The following PP2D1 variants were observed in gnomAD, a reference collection of about 807,000 sequenced individuals.
PP2D1 encodes the protein protein phosphatase 2C-like domain-containing protein 1.
PP2D1 carries 25 observed loss-of-function variants against 30.2 expected under a neutral mutation model. That is an observed-to-expected ratio of 0.83 (90% CI 0.60 to 1.16). The LOEUF (loss-of-function observed/expected upper bound fraction) is 1.16, where lower values mean the gene tolerates loss of function less well. PP2D1 is among the 50% of genes most tolerant of loss of function. PP2D1 has a pLI of 0.00. For missense variants in PP2D1, 760 were observed against 742.4 expected, an observed-to-expected ratio of 1.02 and a Z score of -0.28; for synonymous variants, 260 against 258.9, an observed-to-expected ratio of 1.00 and a Z score of -0.04.
chr3:20,000,767 T>G (rs894553212), intron 2 of PP2D1, among the ~76,000 whole-genome samples: 1 of 152,234 alleles, frequency 6.6e-6, no homozygotes, highest in African/African-American at 2.4e-5. Flanking sequence ...TCAACAACTG[T>G]GTTGCTACCC....
chr3:19,993,995 G>A (rs1401302255), intron 2 of PP2D1, among the ~76,000 whole-genome samples: 1 of 151,556 alleles, frequency 6.6e-6, no homozygotes, highest in Non-Finnish European at 1.5e-5. Flanking sequence ...GCCTCCCAAA[G>A]TTCTGGGATT....
intron 2 of PP2D1, among the ~76,000 whole-genome samples, chr3:19,993,648 G>C (rs992736076): frequency 6.6e-6 from 1 of 152,142 alleles, no homozygotes; most frequent in Admixed American, 6.5e-5. Context: ...CAGGAGAATC[G>C]CTTGGACCCT....
At chr3:19,984,069 G>A (rs1575080742), downstream of PP2D1, 2 of 442,026 alleles carry the variant, frequency 4.5e-6, no homozygotes, top group East Asian at 9.5e-5. Context: ...TCATTGGAAG[G>A]TTAGGGGGAA....
chr3:20,007,004 C>T (rs550544257), intron 1 of PP2D1, among the ~76,000 whole-genome samples: 41 of 94,822 alleles, frequency 4.3e-4, no homozygotes, highest in African/African-American at 1.5e-3. Flanking sequence ...CACACACACA[C>T]GTATACACAC....
chr3:20,003,778 A>T (rs1012132486), intron 1 of PP2D1, among the ~76,000 whole-genome samples: 7 of 152,032 alleles, frequency 4.6e-5, no homozygotes, highest in Non-Finnish European at 1.0e-4. Flanking sequence ...ATAATTTAAA[A>T]TTTTAGTTAA....
At chr3:20,007,008 TAC>T (rs71751343) in intron 1 of PP2D1, among the ~76,000 whole-genome samples, 69,826 of 144,474 alleles carry the variant, frequency 0.48, 16,529 homozygotes, top group Non-Finnish European at 0.52. Context: ...CACACACGTA[TAC>T]ACACACACAC....
intron 2 of PP2D1, among the ~76,000 whole-genome samples, chr3:19,993,809 A>G (rs7633789): frequency 2.6e-5 from 4 of 152,142 alleles, no homozygotes; most frequent in African/African-American, 9.6e-5. Context: ...GTGCGATCTC[A>G]GCTCACTGCA....
chr3:20,006,596 T>G (rs1384250188), intron 1 of PP2D1, among the ~76,000 whole-genome samples: 1 of 152,048 alleles, frequency 6.6e-6, no homozygotes, highest in Non-Finnish European at 1.5e-5. Flanking sequence ...ATAGTAGCTG[T>G]AACTACAGGC....
intron 2 of PP2D1, 89 bp downstream of exon 2, chr3:20,000,941 G>A: frequency 1.6e-6 from 1 of 638,966 alleles, no homozygotes; most frequent in Non-Finnish European, 2.3e-6. Context: ...CTAAATAATA[G>A]ACAATAAAAA....
At chr3:19,993,488 C>A (rs572840950) in intron 2 of PP2D1, among the ~76,000 whole-genome samples, 3 of 152,264 alleles carry the variant, frequency 2.0e-5, no homozygotes, top group South Asian at 4.1e-4. Flanking sequence ...ATAATCCCAG[C>A]ACTTTGGGAG....
intron 2 of PP2D1, among the ~76,000 whole-genome samples, chr3:19,996,455 A>G (rs1697181261): frequency 3.3e-5 from 5 of 152,160 alleles, no homozygotes; most frequent in Admixed American, 2.6e-4. Flanking sequence ...AAGTCCCCCA[A>G]ATGAAAAGCC....
intron 2 of PP2D1, among the ~76,000 whole-genome samples, chr3:19,991,580 A>C: frequency 6.6e-6 from 1 of 152,266 alleles, no homozygotes; most frequent in Admixed American, 6.5e-5. Flanking sequence ...TGGTGTAGAA[A>C]AACAGTATGG....
At chr3:20,011,635 C>G (rs1697388329) in intron 1 of PP2D1, among the ~76,000 whole-genome samples, 1 of 151,856 alleles carries the variant, frequency 6.6e-6, no homozygotes, top group Non-Finnish European at 1.5e-5. Flanking sequence ...CCTGTCTCTA[C>G]TAAAAATACA....
At position 19,986,125 on chromosome 3, in the gene PP2D1, T is replaced by C. The variant is rs1697030492; in HGVS notation, c.1148A>G (p.His383Arg). ...NGKGFCLTKE[H>R]TTRNTNERRR... The stretch of plus-strand genomic sequence containing the variant: ...TCTTTCATTTGTGTTTCGTGTAGTA[T>C]GTTCTTTGGTTAGGCAAAAACCTTT... The change falls in exon 3 of 3, where the codon CAT (histidine) becomes CGT (arginine). Residue 383 changes from histidine (H) to arginine (R), a missense_variant. Physicochemically the swap from His to Arg is conservative, Grantham distance 29. This residue lies in a region of PP2D1 where 369 missense variants were observed against 316.2 expected (regional missense o/e 1.17). Coordinates refer to ENST00000389050, the MANE Select transcript of PP2D1 (RefSeq NM_001252657.2). 3 of 1,533,516 alleles carry C rather than the reference T, an allele frequency of 2.0e-6. No individual in the cohort carries two copies. Among genetic ancestry groups the C allele is most frequent in the African/African-American group, 1.4e-5 (1 of 73,052 alleles). The allele number at this position is 1,533,516 out of a possible 1,614,324, so 95.0% of individuals were successfully genotyped here. A position where few individuals can be genotyped will look rare whatever the true frequency, so the allele number is the denominator to read the frequency against.
Position 20,012,159 on chromosome 3 carries a change from T to A in PP2D1, c.-87A>T. On this transcript the variant is annotated 5_prime_UTR_variant, in exon 1 of 3. Transcript: ENST00000389050. Reference sequence around the variant, plus strand: ...CCAACTTGAGTAGTGATGGTGATGGTGGAGGTAGAGGTGAATGTGATGGCT... The same window carrying A: ...CCAACTTGAGTAGTGATGGTGATGGAGGAGGTAGAGGTGAATGTGATGGCT... 1 of 1,127,082 alleles carries A rather than the reference T, an allele frequency of 8.9e-7. No individual in the cohort carries two copies. The highest frequency in any genetic ancestry group is 1.3e-6 in the Non-Finnish European group (1 of 785,554). 69.8% of individuals were successfully genotyped at this position (1,127,082 alleles called of 1,614,324 possible).
At chr3:19,989,737 ATACGAATTG>A (rs1385243538) in intron 2 of PP2D1, among the ~76,000 whole-genome samples, 1 of 152,252 alleles carries the variant, frequency 6.6e-6, no homozygotes, top group African/African-American at 2.4e-5. Flanking sequence ...GTGTGCATAC[ATACGAATTG>A]TACGGCCATA....
At chr3:20,008,575 A>G (rs1697350526) in intron 1 of PP2D1, among the ~76,000 whole-genome samples, 1 of 152,052 alleles carries the variant, frequency 6.6e-6, no homozygotes, top group Non-Finnish European at 1.5e-5. Flanking sequence ...CTCAAAACAA[A>G]CAAGACAACC....
At chr3:20,011,569 C>T (rs528752943) in intron 1 of PP2D1, among the ~76,000 whole-genome samples, 16 of 152,058 alleles carry the variant, frequency 1.1e-4, no homozygotes, top group African/African-American at 2.9e-4. Flanking sequence ...GAGGCTGAGG[C>T]GGGCCTATCA....
chr3:19,983,322 G>C (rs1046212583), downstream of PP2D1, among the ~76,000 whole-genome samples: 1 of 141,510 alleles, frequency 7.1e-6, no homozygotes, highest in Non-Finnish European at 1.5e-5. Context: ...GGTGAGCCTG[G>C]GTGACAGAGT....
Sources: gnomAD v4.1 joint callset for allele counts (sites outside exome capture counted in the v4.1 genomes callset) on GRCh38, gnomAD v4.1.1 for gene constraint, gnomAD v4.1.1 regional missense constraint, MANE v1.5 for transcripts, NCBI Gene and HGNC (gene_info 2026-07-23, HGNC 2026-07-21) for gene names.